The following SCAI variants were observed in gnomAD, a reference collection of about 807,000 sequenced individuals.
SCAI encodes the protein suppressor of cancer cell invasion, also known as protein SCAI.
In SCAI, 24 loss-of-function variants were observed where a neutral mutation model predicts 92.2. The ratio of observed to expected loss-of-function variants is 0.26; its 90% CI spans 0.19 to 0.37. SCAI has a LOEUF of 0.37. Ranked by LOEUF, SCAI falls within the 10% of genes least tolerant of loss-of-function variation. The pLI, the probability that SCAI is intolerant of heterozygous loss-of-function variation, is 1.00. For synonymous variants in SCAI, 261 were observed against 258.6 expected (o/e 1.01, Z -0.09); for missense variants, 450 against 736.2 (o/e 0.61, Z 4.50).
intron 2 of SCAI, among the ~76,000 whole-genome samples, chr9:125,108,730 A>G (rs1156909493): frequency 1.2e-4 from 16 of 131,872 alleles, no homozygotes; most frequent in African/African-American, 2.9e-4. Context: ...CGCCCCGTCC[A>G]GGAAGTGAGG....
At chr9:125,041,428 T>C (rs1029207757) in intron 3 of SCAI, among the ~76,000 whole-genome samples, 1 of 152,240 alleles carries the variant, frequency 6.6e-6, no homozygotes, top group Admixed American at 6.5e-5. Context: ...TTGTGACAAC[T>C]GACAATTATT....
At chr9:124,966,744 T>G (rs1419380797) in intron 17 of SCAI, among the ~76,000 whole-genome samples, 1 of 152,110 alleles carries the variant, frequency 6.6e-6, no homozygotes, top group East Asian at 1.9e-4. Context: ...AAGAAAATAT[T>G]TTACTTAGCT....
At chr9:125,125,259 G>A (rs1217952931) in intron 2 of SCAI, among the ~76,000 whole-genome samples, 10 of 151,658 alleles carry the variant, frequency 6.6e-5, no homozygotes, top group East Asian at 3.9e-4. Context: ...AAGGCCAGGC[G>A]CGGTGTCTCA....
At chr9:124,995,869 C>T (rs1252346391) in intron 13 of SCAI, among the ~76,000 whole-genome samples, 1 of 152,076 alleles carries the variant, frequency 6.6e-6, no homozygotes, top group Non-Finnish European at 1.5e-5. Flanking sequence ...CACAGAAGAG[C>T]TACTGAACCC....
Position 125,106,122 on chromosome 9 carries a change from A to AAAAATATAT in SCAI, c.98+36510_98+36511insATATATTTT, listed in dbSNP as rs1554791724. ...AAAAAAAAAAAAAAAAAAAAAAAAAAATATATATATATATATATATATATA... is the reference window on the plus strand; with the variant it reads ...AAAAAAAAAAAAAAAAAAAAAAAAAAAAAATATATATATATATATATATATATATATATA... On this transcript the variant is annotated intron_variant, in intron 2 of 17. Coordinates refer to ENST00000336505, the MANE Select transcript of SCAI (RefSeq NM_001144877.3). 5.6e-4 allele frequency among the ~76,000 whole-genome samples: 5 copies of AAAAATATAT among 8,858 alleles called. 1 individual carries two copies. Among genetic ancestry groups the AAAAATATAT allele is most frequent in the Non-Finnish European group, 8.2e-4 (3 of 3,672 alleles). The allele number at this position is 8,858 out of a possible 152,430, so 5.8% of individuals were successfully genotyped here.
chr9:125,105,463 T>A (rs1187432327), intron 2 of SCAI, among the ~76,000 whole-genome samples: 1 of 152,362 alleles, frequency 6.6e-6, no homozygotes, highest in East Asian at 1.9e-4. Context: ...CAAGATCAAG[T>A]GTAGTATCTG....
rs1306020411 is a variant in SCAI at position 124,947,754 on chromosome 9, CT to C, written c.*5052del. On this transcript the variant is annotated 3_prime_UTR_variant, in exon 18 of 18. Coordinates refer to ENST00000336505, the MANE Select transcript of SCAI (RefSeq NM_001144877.3). The stretch of plus-strand genomic sequence containing the variant: ...AATAAATAAGGTCAACAAAAGAGCC[CT>C]CAAGGTAAATACCCTCTATGATTTC... The C allele has an allele frequency of 6.6e-6, 1 of 152,108 alleles. No homozygotes were observed. Among genetic ancestry groups the C allele is most frequent in the African/African-American group, 2.4e-5 (1 of 41,422 alleles). 9.4% of individuals were successfully genotyped at this position (152,108 alleles called of 1,614,324 possible). A position where few individuals can be genotyped will look rare whatever the true frequency, so the allele number is the denominator to read the frequency against.
At chr9:125,097,671 G>C (rs1043123183) in intron 2 of SCAI, among the ~76,000 whole-genome samples, 1 of 151,722 alleles carries the variant, frequency 6.6e-6, no homozygotes, top group Non-Finnish European at 1.5e-5. Context: ...AGAGAAAGAA[G>C]TAGGAAGATT....
Position 125,037,894 on chromosome 9 carries a change from C to T in SCAI, c.231-8155G>A, listed in dbSNP as rs150463333. On this transcript the variant is annotated intron_variant, in intron 3 of 17. Coordinates refer to ENST00000336505, the MANE Select transcript of SCAI (RefSeq NM_001144877.3). The stretch of plus-strand genomic sequence containing the variant: ...TTGTGCCACTGCACTCCAGCCTGGG[C>T]GACGAGAGTGAAACTCCATCTCAGG... 8.6e-5 allele frequency among the ~76,000 whole-genome samples: 13 copies of T among 151,634 alleles called. No individual in the cohort carries two copies. The East Asian group carries it at 2.3e-3, about 27-fold the overall frequency.
chr9:125,045,615 C>CA (rs1833418096), intron 3 of SCAI, among the ~76,000 whole-genome samples: 1 of 152,214 alleles, frequency 6.6e-6, no homozygotes. Context: ...GAATTACAGG[C>CA]ATGAGTCGCT....
At chr9:125,014,215 A>G (rs1162431518) in intron 9 of SCAI, among the ~76,000 whole-genome samples, 1 of 152,186 alleles carries the variant, frequency 6.6e-6, no homozygotes, top group Non-Finnish European at 1.5e-5. Context: ...AAGGGTATTC[A>G]ATTAGGAAAA....
rs2131557569 is a variant in SCAI at position 124,944,247 on chromosome 9, A to T, written c.*8560T>A. The T allele has an allele frequency of 6.6e-6, 1 of 152,228 alleles. No homozygotes were observed. The highest frequency in any genetic ancestry group is 1.9e-4 in the East Asian group (1 of 5,190). 9.4% of individuals were successfully genotyped at this position (152,228 alleles called of 1,614,324 possible). On this transcript the variant is annotated 3_prime_UTR_variant, in exon 18 of 18. Coordinates refer to ENST00000336505, the MANE Select transcript of SCAI (RefSeq NM_001144877.3). ...GAACCATTAGAAGGTCTTTTTAATG[A>T]TACAGTAACAAGTTAACAAAAACCA...
At chr9:125,068,490 C>T (rs1332406859) in intron 2 of SCAI, among the ~76,000 whole-genome samples, 1 of 151,618 alleles carries the variant, frequency 6.6e-6, no homozygotes, top group African/African-American at 2.4e-5. Flanking sequence ...AGAGTGAGAT[C>T]CTGTCTGAAA....
At chr9:125,085,291 G>A (rs1332436781) in intron 2 of SCAI, among the ~76,000 whole-genome samples, 2 of 151,778 alleles carry the variant, frequency 1.3e-5, no homozygotes, top group South Asian at 2.1e-4. Flanking sequence ...GTTCGAGACC[G>A]GCCTTGCCAA....
intron 17 of SCAI, among the ~76,000 whole-genome samples, chr9:124,956,252 C>A (rs2131572776): frequency 1.3e-5 from 2 of 152,136 alleles, no homozygotes; most frequent in East Asian, 3.9e-4. Context: ...GAGTTTCGCT[C>A]TTGTTGCCCA....
At chr9:125,017,145 A>C (rs1801054228) in intron 9 of SCAI, among the ~76,000 whole-genome samples, 1 of 152,152 alleles carries the variant, frequency 6.6e-6, no homozygotes, top group Non-Finnish European at 1.5e-5. Flanking sequence ...GCACATATGG[A>C]GCTGTACTAG....
chr9:125,141,063 G>A (rs1408065095), intron 2 of SCAI, among the ~76,000 whole-genome samples: 1 of 152,090 alleles, frequency 6.6e-6, no homozygotes, highest in African/African-American at 2.4e-5. Flanking sequence ...AATGACGGAT[G>A]AAAAATACAG....
At chr9:125,025,767 C>A (rs901807393) in intron 6 of SCAI, among the ~76,000 whole-genome samples, 17 of 152,286 alleles carry the variant, frequency 1.1e-4, no homozygotes, top group African/African-American at 4.1e-4. Flanking sequence ...ACAAGACATG[C>A]AAGGAAATTA....
At position 125,130,313 on chromosome 9, in the gene SCAI, T is replaced by C. The variant is rs569640688; in HGVS notation, c.98+12320A>G. 2.8e-4 allele frequency among the ~76,000 whole-genome samples: 42 copies of C among 152,194 alleles called. No individual in the cohort carries two copies. The South Asian group carries it at 8.1e-3, about 29-fold the overall frequency. On this transcript the variant is annotated intron_variant, in intron 2 of 17. Coordinates refer to ENST00000336505, the MANE Select transcript of SCAI (RefSeq NM_001144877.3). ...GTCATAAAGTCAGCAAAATTCAGAC[T>C]GTGGAAAAACTGGTCAGTGGTTGCC...
Sources: allele counts gnomAD v4.1 joint callset (sites outside exome capture counted in the v4.1 genomes callset), GRCh38; gene constraint gnomAD v4.1.1; transcripts MANE v1.5; gene names NCBI Gene and HGNC (gene_info 2026-07-23, HGNC 2026-07-21).